COPS7B: variants seen among roughly 807,000 people sequenced by gnomAD.
COPS7B encodes the protein COP9 signalosome subunit 7B.
In COPS7B, 9 loss-of-function variants were observed where a neutral mutation model predicts 33.4. That is an observed-to-expected ratio of 0.27 (90% confidence interval 0.16 to 0.47). COPS7B has a LOEUF of 0.47. COPS7B is among the 20% of genes least tolerant of loss of function. The pLI, the probability that COPS7B is intolerant of heterozygous loss-of-function variation, is 0.99. For synonymous variants in COPS7B, 119 were observed against 126.3 expected (o/e 0.94, Z 0.39); for missense variants, 242 against 318.2 (o/e 0.76, Z 1.82).
At chr2:231,802,276 A>G (rs957447958) in intron 6 of COPS7B, among the ~76,000 whole-genome samples, 5 of 152,178 alleles carry the variant, frequency 3.3e-5, no homozygotes, top group African/African-American at 9.7e-5. Context: ...CAATGCACCA[A>G]AAGTATGCTT....
chr2:231,786,443 C>T (rs2049243664), upstream of COPS7B: 6 of 985,846 alleles, frequency 6.1e-6, no homozygotes, highest in Non-Finnish European at 7.2e-6. Flanking sequence ...CAGAAAAGCG[C>T]CGGACGCCGG....
chr2:231,798,181 C>T (rs2049629996), intron 5 of COPS7B, among the ~76,000 whole-genome samples: 1 of 151,998 alleles, frequency 6.6e-6, no homozygotes, highest in African/African-American at 2.4e-5. Flanking sequence ...GCCACTGCGC[C>T]TGGCCTAGAA....
intron 3 of COPS7B, chr2:231,792,053 G>A (rs1353692633): frequency 2.5e-5 from 16 of 651,726 alleles, no homozygotes; most frequent in Middle Eastern, 2.4e-4. Context: ...TTGTTTTCCA[G>A]ATGAGATTCT....
chr2:231,784,642 C>A (rs1304293371), upstream of COPS7B, among the ~76,000 whole-genome samples: 2 of 152,162 alleles, frequency 1.3e-5, no homozygotes, highest in African/African-American at 4.8e-5. Flanking sequence ...TTCCATAGCC[C>A]TGTTCACTTA....
chr2:231,795,286 C>G (rs2106325951), intron 4 of COPS7B, among the ~76,000 whole-genome samples: 1 of 152,218 alleles, frequency 6.6e-6, no homozygotes, highest in East Asian at 1.9e-4. Context: ...TGGTCTCAAC[C>G]CCCTGACTTC....
At chr2:231,803,713 C>T (rs1242393433) in intron 6 of COPS7B, among the ~76,000 whole-genome samples, 2 of 152,174 alleles carry the variant, frequency 1.3e-5, no homozygotes, top group African/African-American at 4.8e-5. Flanking sequence ...AGTGGCAGTA[C>T]AGAAATGAAG....
intron 1 of COPS7B, among the ~76,000 whole-genome samples, chr2:231,787,173 C>A (rs74705778): frequency 0.064 from 9,744 of 152,122 alleles, 960 homozygotes; most frequent in African/African-American, 0.21. Context: ...TTTCCCTTTC[C>A]CTTCCGTCCT....
At chr2:231,791,533 A>G (rs952855653) in intron 2 of COPS7B, 200 bp from the exon 3 acceptor site, 1 of 572,074 alleles carries the variant, frequency 1.7e-6, no homozygotes, top group African/African-American at 1.9e-5. Flanking sequence ...AGAGAGAGAA[A>G]TTAAATTTGG....
chr2:231,797,926 T>A (rs1000938021), intron 5 of COPS7B, among the ~76,000 whole-genome samples: 1 of 152,226 alleles, frequency 6.6e-6, no homozygotes, highest in Non-Finnish European at 1.5e-5. Context: ...TTGCTCTTGT[T>A]GCCCAGGCTG....
chr2:231,804,687 G>C lies in COPS7B; in HGVS notation c.637-2800G>C, dbSNP rs961369789. Among the ~76,000 whole-genome samples the C allele has an allele frequency of 4.6e-5, 7 of 152,114 alleles. No individual in the cohort carries two copies. The East Asian group carries it at 1.3e-3, about 29-fold the overall frequency. ...TTAATAAAGCTATTTTGCCAAATGGGAAAGGTAATTATTTGCTTGGAAAGA... is the reference window on the plus strand; with the variant it reads ...TTAATAAAGCTATTTTGCCAAATGGCAAAGGTAATTATTTGCTTGGAAAGA... On this transcript the variant is annotated intron_variant, in intron 6 of 6. Transcript: ENST00000350033.
upstream of COPS7B, chr2:231,781,957 CTTGT>C (rs770737579): frequency 2.1e-6 from 3 of 1,459,684 alleles, no homozygotes; most frequent in Non-Finnish European, 2.8e-6. Flanking sequence ...TCAAATCGTG[CTTGT>C]TTGTTGGTCT....
chr2:231,786,141 G>A (rs1332615556), upstream of COPS7B: 1 of 152,292 alleles, frequency 6.6e-6, no homozygotes, highest in Admixed American at 6.5e-5. Flanking sequence ...AGTAGCCATG[G>A]GGAGCTCCTG....
At chr2:231,782,474 T>A (rs968062624), upstream of COPS7B, among the ~76,000 whole-genome samples, 2 of 152,226 alleles carry the variant, frequency 1.3e-5, no homozygotes, top group Non-Finnish European at 2.9e-5. Context: ...CTTGGAAACC[T>A]CCTCTGTCCT....
intron 6 of COPS7B, among the ~76,000 whole-genome samples, chr2:231,804,205 A>G (rs2049828012): frequency 6.6e-6 from 1 of 152,122 alleles, no homozygotes. Context: ...AGTAAATCTA[A>G]GACATGTTAA....
chr2:231,797,561 C>T (rs2049607682), intron 5 of COPS7B, among the ~76,000 whole-genome samples: 2 of 152,166 alleles, frequency 1.3e-5, no homozygotes, highest in Admixed American at 6.5e-5. Context: ...TGTTTTTAAG[C>T]CCCCAATATG....
rs2049977038 is a variant in COPS7B at position 231,808,948 on chromosome 2, A to G, written c.*1303A>G. On this transcript the variant is annotated 3_prime_UTR_variant, in exon 7 of 7. Coordinates refer to ENST00000350033, the MANE Select transcript of COPS7B (RefSeq NM_022730.4). ...ATGTGACTGGGGTTTGGGGTTGCAT[A>G]CCTGGTGGATCTTGAGGGGCTGGGA... 6.5e-6 allele frequency: 1 copy of G among 153,520 alleles called. No homozygotes were observed. Among genetic ancestry groups the G allele is most frequent in the South Asian group, 2.0e-4 (1 of 4,936 alleles). The allele number at this position is 153,520 out of a possible 1,614,324, so 9.5% of individuals were successfully genotyped here. A position where few individuals can be genotyped will look rare whatever the true frequency, so the allele number is the denominator to read the frequency against.
At chr2:231,801,467 C>CT (rs2049741897) in intron 6 of COPS7B, among the ~76,000 whole-genome samples, 1 of 152,154 alleles carries the variant, frequency 6.6e-6, no homozygotes, top group African/African-American at 2.4e-5. Flanking sequence ...GACAGAGTCT[C>CT]TGTCACCCAG....
At chr2:231,781,744 A>G (rs1303198646), upstream of COPS7B, 3 of 1,286,236 alleles carry the variant, frequency 2.3e-6, no homozygotes, top group African/African-American at 1.5e-5. Flanking sequence ...CAAATTCACA[A>G]ACCCGCCCGC....
intron 3 of COPS7B, chr2:231,793,563 A>G (rs2049481182): frequency 6.6e-6 from 1 of 152,192 alleles, no homozygotes; most frequent in Non-Finnish European, 1.5e-5. Context: ...ATTTATGGTT[A>G]TTATTGAAAT....
Sources: allele counts gnomAD v4.1 joint callset (sites outside exome capture counted in the v4.1 genomes callset), GRCh38; gene constraint gnomAD v4.1.1; transcripts MANE v1.5; gene names NCBI Gene and HGNC (gene_info 2026-07-23, HGNC 2026-07-21).